Variants in WDCP observed in about 807,000 individuals in gnomAD.
WDCP encodes the protein WD repeat and coiled coil containing.
WDCP carries 19 observed loss-of-function variants against 41.6 expected under a neutral mutation model. That is an observed-to-expected ratio of 0.46 (90% confidence interval 0.32 to 0.67). The LOEUF (loss-of-function observed/expected upper bound fraction) is 0.67, where lower values mean the gene tolerates loss of function less well. Among genes scored for constraint, WDCP ranks in the 30% least tolerant of loss-of-function variants. WDCP has a pLI of 0.04. For synonymous variants in WDCP, 302 were observed against 320.8 expected, an observed-to-expected ratio of 0.94 and a Z score of 0.63; for missense variants, 802 against 850.7, an observed-to-expected ratio of 0.94 and a Z score of 0.71.
rs1440086566 is a variant in WDCP at position 24,039,439 on chromosome 2, G to C, written c.56C>G (p.Ala19Gly). The change falls in exon 2 of 4, where the codon GCA (alanine) becomes GGA (glycine). Residue 19 changes from alanine (A) to glycine (G), a missense_variant. Around this residue, in one of 5 missense-constraint regions of WDCP, gnomAD observed 214 missense variants for 252.9 expected, o/e 0.85. Transcript: ENST00000295148. ...GGCAAGGCCATGGATCGGATGCACT[G>C]CTTGATGCAACGCATTCAGTCCAGT... ...LRTGLNALHQ[A>G]VHPIHGLAWT... is the part of the protein sequence containing the mutation. 1.9e-6 allele frequency: 3 copies of C among 1,614,122 alleles called. No individual in the cohort carries two copies. The African/African-American group carries it at 4.0e-5, about 22-fold the overall frequency.
rs1383910445 is a variant in WDCP at position 24,030,791 on chromosome 2, CA to C, written c.*141del. On this transcript the variant is annotated 3_prime_UTR_variant, in exon 4 of 4. Transcript: ENST00000295148. ...GCAGCGAGCCTCAGCTCAGGGGAAA[CA>C]GGGGGAAACCAGGAGAGCCGACCAT... 1.5e-6 allele frequency: 1 copy of C among 653,740 alleles called. No individual in the cohort carries two copies. Among genetic ancestry groups the C allele is most frequent in the African/African-American group, 1.8e-5 (1 of 54,644 alleles). 40.5% of individuals were successfully genotyped at this position (653,740 alleles called of 1,614,324 possible).
chr2:24,045,856 A>G (rs1490626707), intron 1 of WDCP: 2 of 152,158 alleles, frequency 1.3e-5, no homozygotes, highest in Non-Finnish European at 2.9e-5. Context: ...GGCAGCACAT[A>G]TACTAAGACT....
rs964090195 is a variant in WDCP, at chr2:24,030,264, G to T, written c.*669C>A. On this transcript the variant is annotated 3_prime_UTR_variant, in exon 4 of 4. Coordinates refer to ENST00000295148, the MANE Select transcript of WDCP (RefSeq NM_025203.3). ...ACAACCTCAAGTGGAACCCAGAGGG[G>T]ACAAATTCCCTTGAAATTTCATTCA... 2 of 152,190 alleles carry T rather than the reference G, an allele frequency of 1.3e-5. No individual in the cohort carries two copies. Among genetic ancestry groups the T allele is most frequent in the African/African-American group, 4.8e-5 (2 of 41,442 alleles). The allele number at this position is 152,190 out of a possible 1,614,324, so 9.4% of individuals were successfully genotyped here.
intron 2 of WDCP, among the ~76,000 whole-genome samples, chr2:24,036,570 T>C (rs1034466517): frequency 1.3e-5 from 2 of 152,214 alleles, no homozygotes; most frequent in Non-Finnish European, 2.9e-5. Context: ...AAATTTGCAT[T>C]TCTACTTCTG....
rs1281743040 is a variant in WDCP at position 24,038,799 on chromosome 2, A to G, written c.696T>C (p.Asn232=). The G allele has an allele frequency of 1.9e-6, 3 of 1,614,208 alleles. No homozygotes were observed. The highest frequency in any genetic ancestry group is 1.6e-4 in the Middle Eastern group (1 of 6,062). ...ELPLDKICGL[N]ASETFNIPPN... Reference sequence around the variant, plus strand: ...GTGGGATATTAAAGGTTTCAGATGCATTTAAGCCACAGATCTTATCCAATG... The same window carrying G: ...GTGGGATATTAAAGGTTTCAGATGCGTTTAAGCCACAGATCTTATCCAATG... The change falls in exon 2 of 4, where the codon AAT becomes AAC. Residue 232 remains asparagine, a synonymous_variant. Coordinates refer to ENST00000295148, the MANE Select transcript of WDCP (RefSeq NM_025203.3).
intron 1 of WDCP, among the ~76,000 whole-genome samples, chr2:24,044,351 C>T (rs1423723971): frequency 6.6e-6 from 1 of 151,996 alleles, no homozygotes; most frequent in Admixed American, 6.6e-5. Flanking sequence ...CTCACTGCAA[C>T]CTCTGCTTCC....
chr2:24,037,325 A>G (rs999081197), intron 2 of WDCP, among the ~76,000 whole-genome samples: 1 of 152,248 alleles, frequency 6.6e-6, no homozygotes, highest in Non-Finnish European at 1.5e-5. Flanking sequence ...GCCCAGCAAC[A>G]TAACCTTTTT....
At chr2:24,035,541 AAAAC>A (rs1399731847) in intron 2 of WDCP, among the ~76,000 whole-genome samples, 1 of 152,180 alleles carries the variant, frequency 6.6e-6, no homozygotes, top group Non-Finnish European at 1.5e-5. Flanking sequence ...GAAGAAAAAG[AAAAC>A]AAACTCTTTA....
Position 24,038,723 on chromosome 2 carries a change from G to A in WDCP, c.772C>T (p.Arg258Cys), listed in dbSNP as rs373811791. Residue 258 changes from arginine to cysteine, a missense_variant, in exon 2 of 4, where the codon CGC (arginine) becomes TGC (cysteine). Physicochemically the swap from Arg to Cys is radical, Grantham distance 180. Coordinates refer to ENST00000295148, the MANE Select transcript of WDCP (RefSeq NM_025203.3). The stretch of plus-strand genomic sequence containing the variant: ...TCAGTTGCCTCTTTATCCATAGAGC[G>A]TACTTCACCAATAACTGGTAAAGCA... The part of the protein sequence containing the change: ...PYALPVIGEV[R>C]SMDKEATDSE... 27 of 1,613,956 alleles carry A rather than the reference G, an allele frequency of 1.7e-5. No homozygotes were observed. Among genetic ancestry groups the A allele is most frequent in the African/African-American group, 1.1e-4 (8 of 74,900 alleles).
At position 24,030,840 on chromosome 2, in the gene WDCP, A is replaced by G. The variant is rs1663078543; in HGVS notation, c.*93T>C. 3 of 965,742 alleles carry G rather than the reference A, an allele frequency of 3.1e-6. No individual in the cohort carries two copies. Among genetic ancestry groups the G allele is most frequent in the Non-Finnish European group, 1.6e-6 (1 of 631,212 alleles). 59.8% of individuals were successfully genotyped at this position (965,742 alleles called of 1,614,324 possible). The stretch of plus-strand genomic sequence containing the variant: ...CATGGCAAGCGCTTCGCCTGAGTGC[A>G]GTGGGAGTCTCATTGGCGAGTGTCC... On this transcript the variant is annotated 3_prime_UTR_variant, in exon 4 of 4. Transcript: ENST00000295148.
chr2:24,044,481 G>C (rs537799675), intron 1 of WDCP, among the ~76,000 whole-genome samples: 2 of 152,178 alleles, frequency 1.3e-5, no homozygotes, highest in Non-Finnish European at 2.9e-5. Flanking sequence ...TGGCCAGGCT[G>C]GTCTTGAACT....
intron 1 of WDCP, among the ~76,000 whole-genome samples, chr2:24,039,724 C>T (rs1573662991): frequency 6.6e-6 from 1 of 152,088 alleles, no homozygotes; most frequent in Non-Finnish European, 1.5e-5. Context: ...AATCTTCTAC[C>T]TAATGAAGAT....
chr2:24,042,742 C>A (rs990990248), intron 1 of WDCP, among the ~76,000 whole-genome samples: 43 of 149,868 alleles, frequency 2.9e-4, no homozygotes, highest in Non-Finnish European at 5.2e-4. Flanking sequence ...AAAACAATTA[C>A]TGGGCCAGAG....
chr2:24,036,807 T>C (rs187481568), intron 2 of WDCP, among the ~76,000 whole-genome samples: 2 of 152,316 alleles, frequency 1.3e-5, no homozygotes, highest in East Asian at 1.9e-4. Context: ...TATATCTATG[T>C]ACACAAAGAC....
At chr2:24,045,032 C>A (rs1334096685) in intron 1 of WDCP, among the ~76,000 whole-genome samples, 4 of 151,964 alleles carry the variant, frequency 2.6e-5, no homozygotes, top group African/African-American at 7.3e-5. Flanking sequence ...CTTGGGGGAA[C>A]CAGCATATAT....
At chr2:24,037,421 G>A (rs986680455) in intron 2 of WDCP, among the ~76,000 whole-genome samples, 3 of 152,088 alleles carry the variant, frequency 2.0e-5, no homozygotes, top group Non-Finnish European at 4.4e-5. Flanking sequence ...TAAATTGCCC[G>A]AATTAGTGCA....
At chr2:24,045,237 T>C (rs916149551) in intron 1 of WDCP, among the ~76,000 whole-genome samples, 5 of 152,066 alleles carry the variant, frequency 3.3e-5, no homozygotes, top group Admixed American at 3.3e-4. Context: ...AAAAAAGAAT[T>C]AAGGATAACA....
At chr2:24,042,301 G>A (rs2150953425) in intron 1 of WDCP, among the ~76,000 whole-genome samples, 1 of 152,164 alleles carries the variant, frequency 6.6e-6, no homozygotes, top group East Asian at 1.9e-4. Context: ...ACTTTGGGAG[G>A]CCGAGGCAGG....
chr2:24,037,526 G>T, intron 2 of WDCP, 151 bp downstream of exon 2: 1 of 842,150 alleles, frequency 1.2e-6, no homozygotes, highest in Non-Finnish European at 1.8e-6. Flanking sequence ...CAACCAACCT[G>T]CAAAGGTGTA....
Sources: allele counts gnomAD v4.1 joint callset (sites outside exome capture counted in the v4.1 genomes callset), GRCh38; gene constraint gnomAD v4.1.1; regional missense constraint gnomAD v4.1.1; transcripts MANE v1.5; gene names NCBI Gene and HGNC (gene_info 2026-07-23, HGNC 2026-07-21).